COMMD4: variants seen among roughly 807,000 people sequenced by gnomAD.
The protein encoded by COMMD4 is COMM domain-containing protein 4.
In COMMD4, 18 loss-of-function variants were observed where a neutral mutation model predicts 27.5. That is an observed-to-expected ratio of 0.65 (90% CI 0.45 to 0.97). The LOEUF (loss-of-function observed/expected upper bound fraction) is 0.97, where lower values mean the gene tolerates loss of function less well. COMMD4 is among the 50% of genes least tolerant of loss of function. The probability of loss-of-function intolerance (pLI) is 0.00; values close to 1 mark genes in which losing one functional copy is unlikely to be tolerated. For missense variants in COMMD4, 243 were observed against 250.0 expected, an observed-to-expected ratio of 0.97 and a Z score of 0.19; for synonymous variants, 108 against 108.4, an observed-to-expected ratio of 1.00 and a Z score of 0.02.
downstream of COMMD4, chr15:75,342,558 A>T (rs1040606666): frequency 6.6e-6 from 1 of 152,110 alleles, no homozygotes; most frequent in South Asian, 2.1e-4. Context: ...TTAAATTCAT[A>T]GAAGTCGACA....
In COMMD4 at chr15:75,338,179, G is replaced by C. The variant is rs759455126; in HGVS notation, c.75+46G>C. 2.5e-4 allele frequency: 394 copies of C among 1,551,580 alleles called. No individual in the cohort carries two copies. The East Asian group carries it at 8.2e-3, about 32-fold the overall frequency. On this transcript the variant is annotated intron_variant, in intron 2 of 7. Coordinates refer to ENST00000267935, the MANE Select transcript of COMMD4 (RefSeq NM_017828.5). ...TCTGGGTGGAGGAGGGGTGTTGGGG[G>C]TGGGGATTGTGGGTGTAGAGGATGG... is the stretch of plus-strand genomic sequence containing the variant.
In COMMD4 at chr15:75,339,890, C is replaced by G; in HGVS notation, c.559+12C>G. ...GGTCCTCCTGGCAGGTGAGGCTCAG[C>G]TATTCCTCGACGGGTGAGAGGCTCT... On this transcript the variant is annotated intron_variant, in intron 7 of 7. Coordinates refer to ENST00000267935, the MANE Select transcript of COMMD4 (RefSeq NM_017828.5). 6.2e-7 allele frequency: 1 copy of G among 1,613,398 alleles called. No individual in the cohort carries two copies. Among genetic ancestry groups the G allele is most frequent in the African/African-American group, 1.3e-5 (1 of 75,058 alleles).
downstream of COMMD4, chr15:75,340,317 T>C: frequency 2.7e-6 from 1 of 368,094 alleles, no homozygotes; most frequent in Non-Finnish European, 5.0e-6. Context: ...AGGGTTTTTG[T>C]GAGAGAAACA....
chr15:75,338,565 C>A, intron 3 of COMMD4, 81 bp from the exon 4 acceptor site: 2 of 1,587,654 alleles, frequency 1.3e-6, no homozygotes, highest in South Asian at 2.2e-5. Flanking sequence ...CCTGTCTGTT[C>A]CTTATCGCAG....
chr15:75,342,819 T>G (rs2071438623), downstream of COMMD4: 2 of 152,198 alleles, frequency 1.3e-5, no homozygotes, highest in South Asian at 4.1e-4. Flanking sequence ...GATCTTTTTT[T>G]GTGTTTTTTG....
At chr15:75,338,858 C>G (rs764681794) in intron 4 of COMMD4, 127 bp from the exon 5 acceptor site, 2 of 1,508,928 alleles carry the variant, frequency 1.3e-6, no homozygotes, top group South Asian at 1.1e-5. Flanking sequence ...TCTGCCAGCT[C>G]CTGGTGGAGC....
At position 75,339,878 on chromosome 15, in the gene COMMD4, G is replaced by C. The variant is rs1595842456; in HGVS notation, c.559G>C (p.Glu187Gln). 1 of 1,612,960 alleles carries C rather than the reference G, an allele frequency of 6.2e-7. No individual in the cohort carries two copies. The highest frequency in any genetic ancestry group is 8.5e-7 in the Non-Finnish European group (1 of 1,179,088). Residue 187 changes from glutamate (E) to glutamine (Q), a missense_variant and splice_region_variant, in exon 7 of 8, where the codon GAA (glutamate) becomes CAA (glutamine). Transcript: ENST00000267935. ...AGACAAGTTCCAGGTCCTCCTGGCAGGTGAGGCTCAGCTATTCCTCGACGG... is the reference window on the plus strand; with the variant it reads ...AGACAAGTTCCAGGTCCTCCTGGCACGTGAGGCTCAGCTATTCCTCGACGG... ...SADKFQVLLA[E>Q]LKQAQTLMSS...
chr15:75,336,414 C>A (rs757777614), intron 1 of COMMD4: 2 of 702,306 alleles, frequency 2.8e-6, no homozygotes, highest in Non-Finnish European at 4.5e-6. Flanking sequence ...CTTCCCCATC[C>A]CCAAGAGGAC....
chr15:75,339,008 G>A lies in COMMD4; in HGVS notation c.205G>A (p.Val69Met), dbSNP rs748692962. ...KFESGDVKAT[V>M]AVLSFILSSA... is the part of the protein sequence containing the mutation. The stretch of plus-strand genomic sequence containing the variant: ...AGAGTCAGGCGATGTGAAGGCCACA[G>A]TGGCAGTGCTGAGTTTCATCCTCTC... Residue 69 changes from valine (V) to methionine (M), a missense_variant, in exon 5 of 8, where the codon GTG becomes ATG. Val to Met is a conservative substitution (Grantham distance 21). Transcript: ENST00000267935. 7 of 1,613,868 alleles carry A rather than the reference G, an allele frequency of 4.3e-6. No homozygotes were observed. In the African/African-American group the frequency reaches 8.0e-5, roughly 18 times the overall value.
chr15:75,343,150 A>G (rs2071440724), downstream of COMMD4: 1 of 152,210 alleles, frequency 6.6e-6, no homozygotes, highest in African/African-American at 2.4e-5. Context: ...TATGCATGTA[A>G]CAAAACATCA....
chr15:75,342,418 G>A (rs10775209), downstream of COMMD4: 98,077 of 152,120 alleles, frequency 0.64, 33,274 homozygotes, highest in Non-Finnish European at 0.75. Flanking sequence ...ACATGCCTGT[G>A]GTTCCAGCAC....
chr15:75,342,691 A>T (rs1458403137), downstream of COMMD4: 1 of 152,240 alleles, frequency 6.6e-6, no homozygotes, highest in African/African-American at 2.4e-5. Context: ...TTTATTGCCC[A>T]GCGTGGTGAC....
intron 6 of COMMD4, 116 bp downstream of exon 6, chr15:75,339,460 GT>G: frequency 6.8e-7 from 1 of 1,471,748 alleles, no homozygotes; most frequent in Non-Finnish European, 9.3e-7. Context: ...ACTAGCAGCC[GT>G]AGAGCTGGGA....
rs1285152322 is a variant in COMMD4 at position 75,339,896 on chromosome 15, C to T, written c.559+18C>T. 2.5e-6 allele frequency: 4 copies of T among 1,613,582 alleles called. No individual in the cohort carries two copies. In the African/African-American group the frequency reaches 4.0e-5, roughly 16 times the overall value. On this transcript the variant is annotated intron_variant, in intron 7 of 7. Transcript: ENST00000267935. ...CCTGGCAGGTGAGGCTCAGCTATTC[C>T]TCGACGGGTGAGAGGCTCTCCCAGA...
At position 75,338,654 on chromosome 15, in the gene COMMD4, GA is replaced by G. The variant is rs751424517; in HGVS notation, c.151del (p.Ile51SerfsTer2). The G allele has an allele frequency of 6.3e-5, 101 of 1,613,896 alleles. No individual in the cohort carries two copies. The highest frequency in any genetic ancestry group is 8.0e-5 in the Non-Finnish European group (94 of 1,179,972). The stretch of plus-strand genomic sequence containing the variant: ...GTCTCCTTTCCCCATAGTATGAGAA[GA>G]TCCTGAAGCTCACGGCTGACGCCAA... Reference protein sequence around the residue: ...LLGQGIDYEKILKLTADAKFE... With the variant: ...LLGQGIDYEKXLKLTADAKFE... On this transcript the variant is annotated frameshift_variant, in exon 4 of 8. Transcript: ENST00000267935. LOFTEE classifies it high-confidence loss of function.
At chr15:75,342,280 C>T (rs2071434665), downstream of COMMD4, 1 of 152,192 alleles carries the variant, frequency 6.6e-6, no homozygotes. Context: ...GTGGCTCACG[C>T]CTGTAATCCC....
At chr15:75,336,378 G>C in intron 1 of COMMD4, 1 of 1,036,752 alleles carries the variant, frequency 9.6e-7, no homozygotes. Context: ...ACTAGGGCTT[G>C]TCTGGAGCTG....
chr15:75,337,007 G>A (rs1348290881), intron 1 of COMMD4: 1 of 152,242 alleles, frequency 6.6e-6, no homozygotes, highest in African/African-American at 2.4e-5. Flanking sequence ...AATCTTCCTG[G>A]CTCTTGGATC....
intron 1 of COMMD4, 101 bp from the exon 2 acceptor site, chr15:75,337,961 G>A: frequency 8.4e-7 from 1 of 1,195,150 alleles, no homozygotes. Context: ...TCTATGTCGG[G>A]GACCAGGGGT....
Sources: allele counts gnomAD v4.1 joint callset, GRCh38; gene constraint gnomAD v4.1.1; transcripts MANE v1.5; gene names NCBI Gene and HGNC (gene_info 2026-07-23, HGNC 2026-07-21).